The following RARB variants were observed in gnomAD, a reference collection of about 807,000 sequenced individuals.
RARB encodes the protein HBV-activated protein.
Under a neutral mutation model 51.9 loss-of-function variants are expected in RARB, and 17 were observed. The observed-to-expected ratio is 0.33, with a 90% CI of 0.22 to 0.49. The LOEUF (loss-of-function observed/expected upper bound fraction) is 0.49. Ranked by LOEUF, RARB falls within the 20% of genes least tolerant of loss-of-function variation. The pLI is 0.99. For synonymous variants in RARB, 215 were observed against 195.4 expected, an observed-to-expected ratio of 1.10 and a Z score of -0.84; for missense variants, 369 against 550.8, an observed-to-expected ratio of 0.67 and a Z score of 3.30.
At chr3:25,101,008 C>T (rs917783365) in intron 3 of RARB, among the ~76,000 whole-genome samples, 16 of 152,100 alleles carry the variant, frequency 1.1e-4, no homozygotes, top group African/African-American at 3.6e-4. Flanking sequence ...GTTAATTTAC[C>T]TTGCACAGGT....
At chr3:24,935,915 C>T (rs1034632924) in intron 2 of RARB, among the ~76,000 whole-genome samples, 2 of 152,068 alleles carry the variant, frequency 1.3e-5, no homozygotes, top group Non-Finnish European at 2.9e-5. Flanking sequence ...CTCATTTTAA[C>T]CACCAATAAA....
chr3:25,497,164 G>A (rs1697081180), intron 2 of RARB, among the ~76,000 whole-genome samples: 1 of 152,060 alleles, frequency 6.6e-6, no homozygotes, highest in Admixed American at 6.6e-5. Flanking sequence ...GGATTACAGG[G>A]GTGAGCCACC....
chr3:25,571,534 T>G lies in RARB; in HGVS notation c.609+1616T>G, dbSNP rs558409183. Among the ~76,000 whole-genome samples, 4 of 152,306 alleles carry G rather than the reference T, an allele frequency of 2.6e-5. 1 individual carries two copies. In the South Asian group the frequency reaches 8.3e-4, roughly 32 times the overall value. On this transcript the variant is annotated intron_variant, in intron 4 of 7. Coordinates refer to ENST00000330688, the MANE Select transcript of RARB (RefSeq NM_000965.5). ...AACCTCAACCAGTCTTCACTGAGTT[T>G]GGGGAACACTGTCCCATCCCAGAGC...
At chr3:25,143,427 C>G (rs1603980) in intron 4 of RARB, among the ~76,000 whole-genome samples, 80,607 of 152,052 alleles carry the variant, frequency 0.53, 21,590 homozygotes, top group East Asian at 0.66. Context: ...TTAGTTTAGC[C>G]TAGTGTTCAG....
intron 5 of RARB, among the ~76,000 whole-genome samples, chr3:25,352,651 C>G (rs572403073): frequency 6.6e-6 from 1 of 152,236 alleles, no homozygotes; most frequent in African/African-American, 2.4e-5. Flanking sequence ...GCTCATTTTT[C>G]TCAAAATGGA....
chr3:24,888,594 C>A (rs867891474), intron 2 of RARB, among the ~76,000 whole-genome samples: 30 of 151,976 alleles, frequency 2.0e-4, no homozygotes, highest in Middle Eastern at 3.4e-3. Context: ...AAAAAAAAAT[C>A]TGTAAAACGA....
chr3:25,354,856 G>T (rs750721937), intron 5 of RARB, among the ~76,000 whole-genome samples: 5 of 150,412 alleles, frequency 3.3e-5, no homozygotes, highest in Non-Finnish European at 5.9e-5. Flanking sequence ...GAGGAATTTT[G>T]AACCACATAC....
At chr3:25,498,400 G>A (rs924308931) in intron 2 of RARB, among the ~76,000 whole-genome samples, 1 of 152,098 alleles carries the variant, frequency 6.6e-6, no homozygotes, top group Admixed American at 6.6e-5. Flanking sequence ...TGGAGGGCAC[G>A]TCTGTTTACT....
intron 5 of RARB, among the ~76,000 whole-genome samples, chr3:25,210,667 C>G (rs894335228): frequency 2.0e-5 from 3 of 150,748 alleles, no homozygotes; most frequent in South Asian, 4.2e-4. Context: ...TCCTGAGTAA[C>G]TGGGGTTGCA....
chr3:25,361,940 T>C (rs981052639), intron 5 of RARB, among the ~76,000 whole-genome samples: 3 of 152,146 alleles, frequency 2.0e-5, no homozygotes, highest in African/African-American at 4.8e-5. Flanking sequence ...GGTGTCTCCC[T>C]TTCAGGAGGC....
chr3:25,478,672 T>C (rs1408682190), intron 2 of RARB, among the ~76,000 whole-genome samples: 1 of 152,182 alleles, frequency 6.6e-6, no homozygotes, highest in East Asian at 1.9e-4. Flanking sequence ...ATGACGTCTA[T>C]GGACACAGGG....
At chr3:25,055,538 C>T (rs1456332929) in intron 2 of RARB, among the ~76,000 whole-genome samples, 1 of 152,116 alleles carries the variant, frequency 6.6e-6, no homozygotes, top group Non-Finnish European at 1.5e-5. Flanking sequence ...GAAGAGTTGG[C>T]TACCCATTAT....
intron 5 of RARB, among the ~76,000 whole-genome samples, chr3:25,203,659 T>G (rs1406629096): frequency 6.6e-6 from 1 of 152,216 alleles, no homozygotes; most frequent in African/African-American, 2.4e-5. Flanking sequence ...TTTGCTTGTC[T>G]GTAAAGGATT....
At chr3:25,222,624 A>C in intron 5 of RARB, among the ~76,000 whole-genome samples, 1 of 152,232 alleles carries the variant, frequency 6.6e-6, no homozygotes, top group East Asian at 1.9e-4. Flanking sequence ...TCTCTGAGAA[A>C]GCAAAATGAA....
chr3:25,520,949 A>G (rs146516448), intron 3 of RARB, among the ~76,000 whole-genome samples: 75 of 152,356 alleles, frequency 4.9e-4, no homozygotes, highest in Non-Finnish European at 9.4e-4. Context: ...GCTGTAGCAC[A>G]AAAGTCCTCA....
At chr3:24,920,579 GT>G (rs201053643) in intron 2 of RARB, among the ~76,000 whole-genome samples, 19,141 of 152,234 alleles carry the variant, frequency 0.13, 1,356 homozygotes, top group Non-Finnish European at 0.16. Flanking sequence ...AACAAAGAGA[GT>G]GTGGCATGGC....
chr3:25,019,863 G>T (rs904462966), intron 2 of RARB, among the ~76,000 whole-genome samples: 4 of 152,042 alleles, frequency 2.6e-5, no homozygotes, highest in African/African-American at 4.8e-5. Context: ...TTCCATGGGG[G>T]CACTTGTTTC....
intron 2 of RARB, among the ~76,000 whole-genome samples, chr3:25,055,648 T>C (rs951903010): frequency 2.0e-5 from 3 of 151,916 alleles, no homozygotes; most frequent in Admixed American, 2.0e-4. Flanking sequence ...TTAGGAGGAA[T>C]TGGGGAGGAG....
chr3:25,332,599 C>T (rs1704935074), intron 5 of RARB, among the ~76,000 whole-genome samples: 1 of 152,126 alleles, frequency 6.6e-6, no homozygotes, highest in South Asian at 2.1e-4. Context: ...GGAAGCATTC[C>T]CTTTGAAAAC....
Sources: allele counts gnomAD v4.1 joint callset (sites outside exome capture counted in the v4.1 genomes callset), GRCh38; gene constraint gnomAD v4.1.1; transcripts MANE v1.5; gene names NCBI Gene and HGNC (gene_info 2026-07-23, HGNC 2026-07-21).